Variants in NOSIP observed in about 807,000 individuals in gnomAD.
The protein encoded by NOSIP is nitric oxide synthase interacting protein.
NOSIP carries 25 observed loss-of-function variants against 36.4 expected under a neutral mutation model. The observed-to-expected ratio is 0.69, with a 90% CI of 0.50 to 0.96. The LOEUF is 0.96. NOSIP is among the 40% of genes least tolerant of loss of function. The pLI, the probability that NOSIP is intolerant of heterozygous loss-of-function variation, is 0.00. For missense variants in NOSIP, 370 were observed against 429.0 expected, an observed-to-expected ratio of 0.86 and a Z score of 1.21; for synonymous variants, 187 against 179.2, an observed-to-expected ratio of 1.04 and a Z score of -0.35.
At chr19:49,564,898 G>A (rs1485318062) in intron 1 of NOSIP, among the ~76,000 whole-genome samples, 2 of 152,116 alleles carry the variant, frequency 1.3e-5, no homozygotes, top group Admixed American at 6.6e-5. Context: ...CCACGCAGGC[G>A]AGACACCAGA....
At chr19:49,564,435 CAG>C (rs1253190584) in intron 1 of NOSIP, among the ~76,000 whole-genome samples, 5 of 117,440 alleles carry the variant, frequency 4.3e-5, no homozygotes, top group Non-Finnish European at 8.0e-5. Flanking sequence ...GCCTAGGGGA[CAG>C]AGCGAGACTC....
At position 49,557,151 on chromosome 19, in the gene NOSIP, C is replaced by G. The variant is rs535685725; in HGVS notation, c.357G>C (p.Ser119=). ...DHVRGFLEKE[S]AIVSRPLNPF... ...GGTTGAGGGGCCGGCTCACGATAGC[C>G]GACTCCTTCTCCAGGAAGCCCCGCA... Residue 119 remains serine, a synonymous_variant, in exon 5 of 9, where the codon TCG becomes TCC. Coordinates refer to ENST00000596358, the MANE Select transcript of NOSIP (RefSeq NM_001270960.2). 6 of 1,612,210 alleles carry G rather than the reference C, an allele frequency of 3.7e-6. No individual in the cohort carries two copies. Among genetic ancestry groups the G allele is most frequent in the Middle Eastern group, 1.7e-4 (1 of 6,040 alleles).
chr19:49,560,493 T>TCATGGC lies in NOSIP; in HGVS notation c.70+123_70+128dup. On this transcript the variant is annotated intron_variant, in intron 2 of 8. Transcript: ENST00000596358. This position sits in a 1 kb window ranked among gnomAD's most constrained non-coding sequence, Gnocchi z 4.6. The stretch of plus-strand genomic sequence containing the variant: ...GATCACCCAGCTGTTGTTTACATGG[T>TCATGGC]CATGGCCATCAGTGTATATCGGGGG... The TCATGGC allele has an allele frequency of 1.4e-6, 1 of 699,216 alleles. No individual in the cohort carries two copies. The highest frequency in any genetic ancestry group is 2.7e-5 in the East Asian group (1 of 36,930). 43.3% of individuals were successfully genotyped at this position (699,216 alleles called of 1,614,324 possible).
At chr19:49,568,702 T>C (rs2080442090) in intron 1 of NOSIP, among the ~76,000 whole-genome samples, 1 of 150,948 alleles carries the variant, frequency 6.6e-6, no homozygotes, top group Non-Finnish European at 1.5e-5. Flanking sequence ...CCCAACACTT[T>C]GGGAAACCAA....
chr19:49,560,507 G>A lies in NOSIP; in HGVS notation c.70+115C>T. The A allele has an allele frequency of 1.3e-6, 1 of 750,986 alleles. No homozygotes were observed. Among genetic ancestry groups the A allele is most frequent in the African/African-American group, 1.8e-5 (1 of 56,876 alleles). 46.5% of individuals were successfully genotyped at this position (750,986 alleles called of 1,614,324 possible). On this transcript the variant is annotated intron_variant, in intron 2 of 8. Coordinates refer to ENST00000596358, the MANE Select transcript of NOSIP (RefSeq NM_001270960.2). The surrounding 1 kb of genome is among the most constrained non-coding windows in gnomAD (Gnocchi z 4.6). ...TGTTTACATGGTCATGGCCATCAGT[G>A]TATATCGGGGGCGGGAGAGAGACAG...
At chr19:49,564,453 CAAAAAA>C (rs1011453088) in intron 1 of NOSIP, among the ~76,000 whole-genome samples, 3 of 42,558 alleles carry the variant, frequency 7.0e-5, no homozygotes, top group African/African-American at 1.7e-4. Flanking sequence ...GACTCCATCT[CAAAAAA>C]AAAAAAAAAA....
At chr19:49,566,193 G>GT (rs2080406164) in intron 1 of NOSIP, among the ~76,000 whole-genome samples, 2 of 151,804 alleles carry the variant, frequency 1.3e-5, no homozygotes, top group South Asian at 4.1e-4. Context: ...CTAATTTTTT[G>GT]TATTTTTTAG....
At chr19:49,568,269 T>G (rs1448389993) in intron 1 of NOSIP, among the ~76,000 whole-genome samples, 2 of 152,102 alleles carry the variant, frequency 1.3e-5, no homozygotes, top group African/African-American at 4.8e-5. Context: ...GCAATGGGTG[T>G]GGGGTGGAGG....
chr19:49,577,725 A>G (rs1018626179), intron 1 of NOSIP, among the ~76,000 whole-genome samples: 5 of 144,522 alleles, frequency 3.5e-5, no homozygotes, highest in African/African-American at 7.7e-5. Flanking sequence ...TGATCGAACC[A>G]CTGCACTCCA....
rs182926210 is a variant in NOSIP, at chr19:49,564,093, A to G, written c.-1-3401T>C. On this transcript the variant is annotated intron_variant, in intron 1 of 8. Coordinates refer to ENST00000596358, the MANE Select transcript of NOSIP (RefSeq NM_001270960.2). ...CCATGAGGTGTGACACTGCAACACT[A>G]AATTAGTAGTAATTTGTTACAACAA... Among the ~76,000 whole-genome samples, 103 of 152,298 alleles carry G rather than the reference A, an allele frequency of 6.8e-4. 1 individual carries two copies. The highest frequency in any genetic ancestry group is 2.1e-3 in the South Asian group (10 of 4,832).
At chr19:49,568,082 A>G (rs1483990032) in intron 1 of NOSIP, among the ~76,000 whole-genome samples, 4 of 152,326 alleles carry the variant, frequency 2.6e-5, no homozygotes, top group Non-Finnish European at 5.9e-5. Context: ...CAAGGCTTAC[A>G]GAGAAAACAG....
chr19:49,559,606 G>C (rs564727577), intron 3 of NOSIP: 29 of 335,996 alleles, frequency 8.6e-5, no homozygotes, highest in African/African-American at 5.2e-4. Context: ...CGTATTTAGT[G>C]CCTGGACTCA....
At chr19:49,555,909 G>A (rs1234600245) in intron 8 of NOSIP, 87 bp from the exon 9 acceptor site, 7 of 986,552 alleles carry the variant, frequency 7.1e-6, no homozygotes, top group Non-Finnish European at 8.0e-6. Context: ...TTCCTAAGCG[G>A]GTCAAGGTGA....
In NOSIP at chr19:49,580,534, C is replaced by A. The variant is rs940742262; in HGVS notation, c.-21G>T. Reference sequence around the variant, plus strand: ...ACTCACCTCACTAACGACTCCCAGTCCCTCGGTCGCTTCTTCAACTGTGCC... The same window carrying A: ...ACTCACCTCACTAACGACTCCCAGTACCTCGGTCGCTTCTTCAACTGTGCC... On this transcript the variant is annotated 5_prime_UTR_variant, in exon 1 of 9. Transcript: ENST00000596358. 1.3e-5 allele frequency: 2 copies of A among 152,216 alleles called. No homozygotes were observed. Among genetic ancestry groups the A allele is most frequent in the African/African-American group, 2.4e-5 (1 of 41,420 alleles). 9.4% of individuals were successfully genotyped at this position (152,216 alleles called of 1,614,324 possible). A position where few individuals can be genotyped will look rare whatever the true frequency, so the allele number is the denominator to read the frequency against.
Position 49,556,847 on chromosome 19 carries a change from TGCGTGCCGGGGCGCTGTG to T in NOSIP, c.537+10_537+27del. The T allele has an allele frequency of 6.3e-7, 1 of 1,594,876 alleles. No individual in the cohort carries two copies. Among genetic ancestry groups the T allele is most frequent in the Non-Finnish European group, 8.6e-7 (1 of 1,163,396 alleles). On this transcript the variant is annotated intron_variant, in intron 6 of 8. Transcript: ENST00000596358. ...GGGGAACCCTGGCGCCCTGGCACCG[TGCGTGCCGGGGCGCTGTG>T]GGGGCTCACCGGCTTCTCCAGCTTG...
At chr19:49,556,238 G>A (rs1303714845) in intron 8 of NOSIP, 79 bp downstream of exon 8, 2 of 705,138 alleles carry the variant, frequency 2.8e-6, no homozygotes, top group African/African-American at 4.4e-5. Flanking sequence ...GGAAGGGGAG[G>A]GGACGAAGCC....
chr19:49,570,190 G>A (rs1026548049), intron 1 of NOSIP, among the ~76,000 whole-genome samples: 1 of 152,158 alleles, frequency 6.6e-6, no homozygotes, highest in Non-Finnish European at 1.5e-5. Context: ...AGGAAAGATT[G>A]TCTCCTGCTC....
chr19:49,575,171 G>A (rs2080536014), intron 1 of NOSIP, among the ~76,000 whole-genome samples: 1 of 151,892 alleles, frequency 6.6e-6, no homozygotes, highest in African/African-American at 2.4e-5. Context: ...CCTCATTTTT[G>A]TATTTTTAGT....
Position 49,557,134 on chromosome 19 carries a change from G to C in NOSIP, c.374C>G (p.Pro125Arg). The C allele has an allele frequency of 6.2e-7, 1 of 1,612,802 alleles. No homozygotes were observed. The highest frequency in any genetic ancestry group is 8.5e-7 in the Non-Finnish European group (1 of 1,179,590). Residue 125 changes from proline (P) to arginine (R), a missense_variant, in exon 5 of 9, where the codon CCC becomes CGC. By Grantham distance (103) the Pro-to-Arg change is moderately radical. Transcript: ENST00000596358. The stretch of plus-strand genomic sequence containing the variant: ...GGCCTTGGCTGTGAAAGGGTTGAGG[G>C]GCCGGCTCACGATAGCCGACTCCTT... Reference protein sequence around the residue: ...LEKESAIVSRPLNPFTAKALS... With the variant: ...LEKESAIVSRRLNPFTAKALS...
Sources: allele counts gnomAD v4.1 joint callset (sites outside exome capture counted in the v4.1 genomes callset), GRCh38; gene constraint gnomAD v4.1.1; non-coding constraint Gnocchi (gnomAD v3.1); transcripts MANE v1.5; gene names NCBI Gene and HGNC (gene_info 2026-07-23, HGNC 2026-07-21).